Variants in ZNF608 observed in about 807,000 individuals in gnomAD.
ZNF608 encodes zinc finger protein 608.
In ZNF608, 12 loss-of-function variants were observed where a neutral mutation model predicts 109.0. The ratio of observed to expected loss-of-function variants is 0.11; its 90% confidence interval spans 0.07 to 0.18. The LOEUF (loss-of-function observed/expected upper bound fraction) is 0.18. Ranked by LOEUF, ZNF608 falls within the 10% of genes least tolerant of loss-of-function variation. The pLI, the probability that ZNF608 is intolerant of heterozygous loss-of-function variation, is 1.00. For missense variants in ZNF608, 1,707 were observed against 1,879.3 expected, an observed-to-expected ratio of 0.91 and a Z score of 1.70; for synonymous variants, 732 against 717.4, an observed-to-expected ratio of 1.02 and a Z score of -0.33.
intron 3 of ZNF608, among the ~76,000 whole-genome samples, chr5:124,700,542 C>G (rs1379863358): frequency 6.6e-6 from 1 of 152,234 alleles, no homozygotes; most frequent in Non-Finnish European, 1.5e-5. Flanking sequence ...TACTTCTGAG[C>G]ACCAGCTGGC....
At chr5:124,669,177 G>A (rs1751609340) in intron 3 of ZNF608, among the ~76,000 whole-genome samples, 1 of 152,112 alleles carries the variant, frequency 6.6e-6, no homozygotes. Flanking sequence ...TCATAAGACA[G>A]GGACACGTGG....
chr5:124,726,868 G>A (rs1458106504), intron 2 of ZNF608, among the ~76,000 whole-genome samples: 2 of 152,192 alleles, frequency 1.3e-5, no homozygotes, highest in African/African-American at 4.8e-5. Flanking sequence ...AGCATGTGCA[G>A]TCGGTCAAGA....
intron 2 of ZNF608, among the ~76,000 whole-genome samples, chr5:124,731,910 C>T (rs546398443): frequency 5.3e-5 from 8 of 152,224 alleles, no homozygotes; most frequent in Middle Eastern, 6.8e-3. Flanking sequence ...AAAATATTAA[C>T]AGGAAAGAAT....
intron 2 of ZNF608, among the ~76,000 whole-genome samples, chr5:124,708,460 T>C (rs1046667436): frequency 6.6e-6 from 1 of 152,216 alleles, no homozygotes; most frequent in Non-Finnish European, 1.5e-5. Flanking sequence ...TCTTTCTCCA[T>C]GGGTAATTTC....
chr5:124,696,545 C>T (rs1752857638), intron 3 of ZNF608, among the ~76,000 whole-genome samples: 1 of 152,192 alleles, frequency 6.6e-6, no homozygotes, highest in African/African-American at 2.4e-5. Flanking sequence ...ATTGGACTCA[C>T]TTGAGAAATC....
rs114018011 is a variant in ZNF608, at chr5:124,701,898, T to C, written c.907-629A>G. On this transcript the variant is annotated intron_variant, in intron 2 of 9. Coordinates refer to ENST00000513986, the MANE Select transcript of ZNF608 (RefSeq NM_020747.3). Reference sequence around the variant, plus strand: ...GAATTCATATAAGGGGGGAGATAAATGCATGTGCCCAACATCAACATAACT... The same window carrying C: ...GAATTCATATAAGGGGGGAGATAAACGCATGTGCCCAACATCAACATAACT... 3.6e-3 allele frequency among the ~76,000 whole-genome samples: 541 copies of C among 152,350 alleles called. 3 individuals are homozygous for C. Among genetic ancestry groups the C allele is most frequent in the Middle Eastern group, 0.01 (3 of 294 alleles).
chr5:124,644,616 A>G lies in ZNF608; in HGVS notation c.3751T>C (p.Tyr1251His), dbSNP rs1051756518. ...TWHHYVYQPKYLDQQKSEELD... is the reference protein window; with the variant it reads ...TWHHYVYQPKHLDQQKSEELD... ...TCTTCTGACTTTTGCTGATCCAGATATTTGGGCTGGTATACATAATGATGC... is the reference window on the plus strand; with the variant it reads ...TCTTCTGACTTTTGCTGATCCAGATGTTTGGGCTGGTATACATAATGATGC... Residue 1251 changes from tyrosine to histidine, a missense_variant, in exon 6 of 10, where the codon TAT becomes CAT. By Grantham distance (83) the Tyr-to-His change is moderately conservative (BLOSUM62 2). Transcript: ENST00000513986. 1.2e-6 allele frequency: 2 copies of G among 1,609,208 alleles called. No individual in the cohort carries two copies. The highest frequency in any genetic ancestry group is 1.7e-6 in the Non-Finnish European group (2 of 1,178,106).
upstream of ZNF608, among the ~76,000 whole-genome samples, chr5:124,747,375 ATT>A (rs1749677175): frequency 6.6e-6 from 1 of 151,370 alleles, no homozygotes. Context: ...TTGTTGATGG[ATT>A]GGAAGTGGAG....
At chr5:124,734,849 A>T (rs1749072559) in intron 2 of ZNF608, 1 of 152,202 alleles carries the variant, frequency 6.6e-6, no homozygotes, top group Non-Finnish European at 1.5e-5. Context: ...TTATTAAAAC[A>T]CTGCATAGGG....
At chr5:124,716,052 A>C (rs1363793415) in intron 2 of ZNF608, among the ~76,000 whole-genome samples, 2 of 149,016 alleles carry the variant, frequency 1.3e-5, no homozygotes, top group Non-Finnish European at 3.0e-5. Flanking sequence ...CTGAGGCAGG[A>C]GAATGGCCTG....
chr5:124,687,621 C>G (rs982596996), intron 3 of ZNF608, among the ~76,000 whole-genome samples: 1 of 152,140 alleles, frequency 6.6e-6, no homozygotes, highest in Non-Finnish European at 1.5e-5. Context: ...TGTCAGACTT[C>G]GCTAGATACC....
chr5:124,723,083 T>C (rs1387097711), intron 2 of ZNF608, among the ~76,000 whole-genome samples: 1 of 151,042 alleles, frequency 6.6e-6, no homozygotes, highest in Non-Finnish European at 1.5e-5. Context: ...CAGGCTGGAG[T>C]GCAGTGGCAC....
Position 124,712,196 on chromosome 5 carries a change from C to T in ZNF608, c.907-10927G>A, listed in dbSNP as rs186967809. 2.0e-4 allele frequency among the ~76,000 whole-genome samples: 30 copies of T among 152,024 alleles called. 1 individual carries two copies. In the East Asian group the frequency reaches 4.1e-3, roughly 21 times the overall value. On this transcript the variant is annotated intron_variant, in intron 2 of 9. Coordinates refer to ENST00000513986, the MANE Select transcript of ZNF608 (RefSeq NM_020747.3). The stretch of plus-strand genomic sequence containing the variant: ...CAGTACTCCAAGAAGACCTGGCACC[C>T]GTGGTGGGGTGGGGGGATAGGGAGG...
chr5:124,687,601 G>A (rs1254283815), intron 3 of ZNF608, among the ~76,000 whole-genome samples: 1 of 152,126 alleles, frequency 6.6e-6, no homozygotes, highest in African/African-American at 2.4e-5. Flanking sequence ...TAGGTCTCCT[G>A]ACTGGGTTAT....
rs79450460 is a variant in ZNF608, at chr5:124,653,748, A to G, written c.1163-4051T>C. 2.6e-3 allele frequency among the ~76,000 whole-genome samples: 396 copies of G among 152,324 alleles called. 1 individual carries two copies. The highest frequency in any genetic ancestry group is 4.2e-3 in the Non-Finnish European group (285 of 68,024). On this transcript the variant is annotated intron_variant, in intron 3 of 9. Transcript: ENST00000513986. ...AGCCCAACAGGGACTTATGTTGGGA[A>G]TCTGAATGAGAAATATGGAAGTTCC...
At chr5:124,726,120 G>A (rs1754126734) in intron 2 of ZNF608, among the ~76,000 whole-genome samples, 1 of 152,140 alleles carries the variant, frequency 6.6e-6, no homozygotes, top group Admixed American at 6.6e-5. Flanking sequence ...AATTGACACA[G>A]CTGATCACAC....
intron 6 of ZNF608, 38 bp from the exon 7 acceptor site, chr5:124,643,721 C>T (rs1244065117): frequency 6.3e-7 from 1 of 1,592,676 alleles, no homozygotes; most frequent in Non-Finnish European, 8.5e-7. Flanking sequence ...AAGTTACAGG[C>T]TATATCTTTA....
chr5:124,646,542 T>C (rs981240142), intron 5 of ZNF608, 137 bp downstream of exon 5: 43 of 1,036,504 alleles, frequency 4.1e-5, no homozygotes, highest in Non-Finnish European at 5.6e-5. Flanking sequence ...AATCTTAAGA[T>C]ATTTTTCAAG....
chr5:124,644,331 A>G lies in ZNF608; in HGVS notation c.4036T>C (p.Leu1346=), dbSNP rs1331715048. 6.2e-7 allele frequency: 1 copy of G among 1,613,954 alleles called. No homozygotes were observed. The highest frequency in any genetic ancestry group is 2.2e-5 in the East Asian group (1 of 44,884). Residue 1346 remains leucine, a synonymous_variant, in exon 6 of 10, where the codon TTG becomes CTG. Coordinates refer to ENST00000513986, the MANE Select transcript of ZNF608 (RefSeq NM_020747.3). ...MSQHQSYIQY[L]HAYPYPQMYD... The stretch of plus-strand genomic sequence containing the variant: ...ATCTGTGGGTAAGGATAAGCATGCA[A>G]GTACTGTATGTATGACTGATGCTGA...
Sources: gnomAD v4.1 joint callset for allele counts (sites outside exome capture counted in the v4.1 genomes callset) on GRCh38, gnomAD v4.1.1 for gene constraint, MANE v1.5 for transcripts, NCBI Gene and HGNC (gene_info 2026-07-23, HGNC 2026-07-21) for gene names.